The following RAB31 variants were observed in gnomAD, a reference collection of about 807,000 sequenced individuals.
RAB31 encodes the protein RAB31, member RAS oncogene family.
A neutral mutation model predicts 25.6 loss-of-function variants in RAB31; 21 were observed. The ratio of observed to expected loss-of-function variants is 0.82; its 90% CI spans 0.58 to 1.18. The LOEUF (loss-of-function observed/expected upper bound fraction) is 1.18. RAB31 is among the 50% of genes most tolerant of loss of function. The pLI is 0.00. For missense variants in RAB31, 196 were observed against 250.1 expected (o/e 0.78, Z 1.46); for synonymous variants, 87 against 84.0 (o/e 1.04, Z -0.20).
intron 2 of RAB31, among the ~76,000 whole-genome samples, chr18:9,778,032 C>T (rs191157616): frequency 1.4e-4 from 22 of 152,096 alleles, no homozygotes; most frequent in African/African-American, 5.3e-4. Context: ...GGATTACAGG[C>T]GTGAGCCACT....
At chr18:9,738,728 A>G (rs1010544287) in intron 1 of RAB31, among the ~76,000 whole-genome samples, 5 of 152,102 alleles carry the variant, frequency 3.3e-5, no homozygotes, top group Non-Finnish European at 5.9e-5. Flanking sequence ...AATTAATCAA[A>G]CCTGAGGAAG....
chr18:9,789,571 A>T (rs1172251570), intron 2 of RAB31, among the ~76,000 whole-genome samples: 1 of 152,228 alleles, frequency 6.6e-6, no homozygotes, highest in African/African-American at 2.4e-5. Flanking sequence ...CCATTTTAAA[A>T]GTCATATAAA....
intron 1 of RAB31, among the ~76,000 whole-genome samples, chr18:9,738,723 A>C (rs543377330): frequency 5.9e-5 from 9 of 152,282 alleles, no homozygotes; most frequent in Non-Finnish European, 1.3e-4. Flanking sequence ...TAGCAAATTA[A>C]TCAAACCTGA....
At position 9,708,369 on chromosome 18, in the gene RAB31, A is replaced by G. The variant is rs774770033; in HGVS notation, c.-37A>G. The G allele has an allele frequency of 6.7e-7, 1 of 1,500,216 alleles. No homozygotes were observed. Among genetic ancestry groups the G allele is most frequent in the South Asian group, 1.2e-5 (1 of 80,480 alleles). The allele number at this position is 1,500,216 out of a possible 1,614,324, so 92.9% of individuals were successfully genotyped here. On this transcript the variant is annotated 5_prime_UTR_variant, in exon 1 of 7. The change abolishes an upstream ATG in the 5' untranslated region. Coordinates refer to ENST00000578921, the MANE Select transcript of RAB31 (RefSeq NM_006868.4). The surrounding 1 kb of genome is among the most constrained non-coding windows in gnomAD (Gnocchi z 6.4). ...GGCGCGGGCGCGGCGGCCCCGGAGG[A>G]TGCTGCTGAGCCCCGGCACTGCCTG...
intron 1 of RAB31, among the ~76,000 whole-genome samples, chr18:9,712,344 C>T (rs2068021748): frequency 6.6e-6 from 1 of 152,192 alleles, no homozygotes; most frequent in South Asian, 2.1e-4. Context: ...TTGTGAACGC[C>T]CTTTCCTGGC....
At position 9,827,970 on chromosome 18, in the gene RAB31, T is replaced by C. The variant is rs113097129; in HGVS notation, c.380+12748T>C. ...TGCAGTCCAGAAAGGACAGAGGGGT[T>C]CAGGAAGGGGAGAGGTCAGAATCAT... On this transcript the variant is annotated intron_variant, in intron 5 of 6. Transcript: ENST00000578921. Among the ~76,000 whole-genome samples, 1,160 of 152,162 alleles carry C rather than the reference T, an allele frequency of 7.6e-3. 20 individuals carry two copies. The highest frequency in any genetic ancestry group is 0.027 in the African/African-American group (1,100 of 41,492).
At chr18:9,715,191 T>A (rs2068037803) in intron 1 of RAB31, among the ~76,000 whole-genome samples, 1 of 151,684 alleles carries the variant, frequency 6.6e-6, no homozygotes, top group South Asian at 2.1e-4. Flanking sequence ...GGCTGTGAAG[T>A]GGGGAGTTGG....
At chr18:9,803,136 T>C (rs181260023) in intron 3 of RAB31, among the ~76,000 whole-genome samples, 12 of 152,236 alleles carry the variant, frequency 7.9e-5, no homozygotes, top group African/African-American at 2.9e-4. Flanking sequence ...AACGTTTTTG[T>C]AGGCATTCCT....
intron 5 of RAB31, among the ~76,000 whole-genome samples, chr18:9,834,260 C>T (rs1044513407): frequency 3.9e-5 from 6 of 152,122 alleles, no homozygotes; most frequent in South Asian, 2.1e-4. Context: ...GGACTACAGG[C>T]GCCCGCCACC....
intron 1 of RAB31, among the ~76,000 whole-genome samples, chr18:9,737,833 C>A: frequency 6.6e-6 from 1 of 152,132 alleles, no homozygotes; most frequent in African/African-American, 2.4e-5. Context: ...AAGCAGGGGT[C>A]TCTAAATAGG....
Position 9,736,494 on chromosome 18 carries a change from C to T in RAB31, c.39+28050C>T, listed in dbSNP as rs75432852. 3.9e-3 allele frequency among the ~76,000 whole-genome samples: 595 copies of T among 151,054 alleles called. 7 individuals carry two copies. Among genetic ancestry groups the T allele is most frequent in the African/African-American group, 0.014 (556 of 41,148 alleles). ...GGGAAGCCCCTGCCCTCTCCCCTCC[C>T]TTTTTTTTTCATTTGTTGATTGGCA... is the stretch of plus-strand genomic sequence containing the variant. On this transcript the variant is annotated intron_variant, in intron 1 of 6. Transcript: ENST00000578921.
intron 2 of RAB31, among the ~76,000 whole-genome samples, chr18:9,777,368 A>C (rs7244006): frequency 0.69 from 105,386 of 152,044 alleles, 37,379 homozygotes; most frequent in African/African-American, 0.85. Context: ...ATTCAAAATA[A>C]TTCTGGTACC....
chr18:9,843,648 T>G (rs2068745881), intron 5 of RAB31, among the ~76,000 whole-genome samples: 1 of 151,986 alleles, frequency 6.6e-6, no homozygotes, highest in African/African-American at 2.4e-5. Context: ...AATATAAAAT[T>G]CTGTTGCCAG....
rs560000188 is a variant in RAB31 at position 9,823,942 on chromosome 18, G to A, written c.380+8720G>A. On this transcript the variant is annotated intron_variant, in intron 5 of 6. Coordinates refer to ENST00000578921, the MANE Select transcript of RAB31 (RefSeq NM_006868.4). ...AGGGCCTGGGAACCTAGTGGGCACC[G>A]GCTTGTTGACACGTTTCTATGGTGG... is the stretch of plus-strand genomic sequence containing the variant. 4.6e-5 allele frequency among the ~76,000 whole-genome samples: 7 copies of A among 152,292 alleles called. No individual in the cohort carries two copies. In the South Asian group the frequency reaches 8.3e-4, roughly 18 times the overall value.
chr18:9,835,125 C>A (rs567904028), intron 5 of RAB31, among the ~76,000 whole-genome samples: 2 of 152,232 alleles, frequency 1.3e-5, no homozygotes, highest in African/African-American at 2.4e-5. Context: ...GTCAAGGGGT[C>A]GATCCTAGGT....
At chr18:9,799,478 G>C (rs574541251) in intron 3 of RAB31, among the ~76,000 whole-genome samples, 25 of 152,210 alleles carry the variant, frequency 1.6e-4, no homozygotes, top group Non-Finnish European at 3.5e-4. Context: ...TTATATAAGA[G>C]AGTATTCATT....
chr18:9,765,063 T>C (rs1005013276), intron 1 of RAB31, among the ~76,000 whole-genome samples: 3 of 152,014 alleles, frequency 2.0e-5, no homozygotes, highest in Admixed American at 1.3e-4. Context: ...AGCAATTCTC[T>C]TGCCTCAGCC....
chr18:9,721,418 A>G lies in RAB31; in HGVS notation c.39+12974A>G, dbSNP rs538589557. Among the ~76,000 whole-genome samples the G allele has an allele frequency of 1.8e-4, 28 of 152,290 alleles. No homozygotes were observed. The East Asian group carries it at 5.4e-3, about 29-fold the overall frequency. The stretch of plus-strand genomic sequence containing the variant: ...CACTTGAGGTCAGGAGTTCCAGACC[A>G]GCCTGGCCAACATGGTGAAACCCTG... On this transcript the variant is annotated intron_variant, in intron 1 of 6. Coordinates refer to ENST00000578921, the MANE Select transcript of RAB31 (RefSeq NM_006868.4).
At chr18:9,817,833 A>C (rs1480207558) in intron 5 of RAB31, among the ~76,000 whole-genome samples, 1 of 152,226 alleles carries the variant, frequency 6.6e-6, no homozygotes, top group East Asian at 1.9e-4. Flanking sequence ...GCCCCAGCTA[A>C]CATAATCTAT....
Sources: gnomAD v4.1 joint callset for allele counts (sites outside exome capture counted in the v4.1 genomes callset) on GRCh38, gnomAD v4.1.1 for gene constraint, Gnocchi (gnomAD v3.1) non-coding constraint, MANE v1.5 for transcripts, NCBI Gene and HGNC (gene_info 2026-07-23, HGNC 2026-07-21) for gene names.